The following QRSL1 variants were observed in gnomAD, a reference collection of about 807,000 sequenced individuals.
QRSL1 encodes glutamyl-tRNA(Gln) amidotransferase subunit A, mitochondrial.
In QRSL1, 54 loss-of-function variants were observed where a neutral mutation model predicts 61.6. The ratio of observed to expected loss-of-function variants is 0.88; its 90% CI spans 0.70 to 1.10. The LOEUF (loss-of-function observed/expected upper bound fraction) is 1.10, where lower values mean the gene tolerates loss of function less well. Among genes scored for constraint, QRSL1 ranks in the 50% least tolerant of loss-of-function variants. The pLI is 0.00. For missense variants in QRSL1, 505 were observed against 622.6 expected, an observed-to-expected ratio of 0.81 and a Z score of 2.01; for synonymous variants, 228 against 225.7, an observed-to-expected ratio of 1.01 and a Z score of -0.09.
chr6:106,660,023 T>C (rs1189578513), intron 9 of QRSL1, among the ~76,000 whole-genome samples: 1 of 152,084 alleles, frequency 6.6e-6, no homozygotes, highest in Non-Finnish European at 1.5e-5. Flanking sequence ...GCCACTCCCT[T>C]CTATTCAGCA....
In QRSL1 at chr6:106,654,766, T is replaced by C; in HGVS notation, c.886T>C (p.Ser296Pro). ...LVPELSSEVQ[S>P]LWSKAADLFE... ...ACCGGAATTATCAAGTGAAGTACAG[T>C]CTCTTTGGTCCAAAGCTGCTGACCT... Residue 296 changes from serine (S) to proline (P), a missense_variant, in exon 8 of 11, where the codon TCT (serine) becomes CCT (proline). By Grantham distance (74) the Ser-to-Pro change is moderately conservative. Transcript: ENST00000369046. 6.2e-7 allele frequency: 1 copy of C among 1,612,604 alleles called. No homozygotes were observed. Among genetic ancestry groups the C allele is most frequent in the Non-Finnish European group, 8.5e-7 (1 of 1,179,682 alleles).
intron 9 of QRSL1, among the ~76,000 whole-genome samples, chr6:106,659,588 T>C (rs1777324580): frequency 6.6e-6 from 1 of 152,230 alleles, no homozygotes; most frequent in African/African-American, 2.4e-5. Flanking sequence ...TCATATTTTT[T>C]GCTGCTTTTC....
chr6:106,661,489 T>C (rs1306557948), intron 9 of QRSL1, among the ~76,000 whole-genome samples: 1 of 152,134 alleles, frequency 6.6e-6, no homozygotes, highest in Non-Finnish European at 1.5e-5. Flanking sequence ...GTGTAAATTA[T>C]ATGTGATGCC....
chr6:106,651,452 A>T (rs539866298), intron 5 of QRSL1, among the ~76,000 whole-genome samples: 9 of 152,324 alleles, frequency 5.9e-5, no homozygotes, highest in African/African-American at 2.2e-4. Context: ...CTAGGGATAT[A>T]AATTGGCATA....
intron 9 of QRSL1, among the ~76,000 whole-genome samples, chr6:106,656,136 C>T (rs955216489): frequency 6.6e-6 from 1 of 152,170 alleles, no homozygotes; most frequent in African/African-American, 2.4e-5. Flanking sequence ...TTTAAACGTG[C>T]AGGAGGTGTG....
chr6:106,633,683 A>T (rs1776872938), intron 1 of QRSL1, among the ~76,000 whole-genome samples: 1 of 152,196 alleles, frequency 6.6e-6, no homozygotes, highest in Admixed American at 6.5e-5. Context: ...TGTTTCTAGG[A>T]GTGAGGCACC....
At chr6:106,661,686 C>CTTTTTTTTTT (rs572306794) in intron 9 of QRSL1, among the ~76,000 whole-genome samples, 3 of 55,070 alleles carry the variant, frequency 5.4e-5, no homozygotes, top group African/African-American at 1.3e-4. Context: ...ATGGTTAGTT[C>CTTTTTTTTTT]TTTTTTTTTT....
rs1360076621 is a variant in QRSL1 at position 106,649,190 on chromosome 6, C to T, written c.546C>T (p.Phe182=). 2.5e-6 allele frequency: 4 copies of T among 1,613,892 alleles called. No individual in the cohort carries two copies. The highest frequency in any genetic ancestry group is 3.4e-6 in the Non-Finnish European group (4 of 1,179,978). Residue 182 remains phenylalanine (F), a synonymous_variant, in exon 5 of 11, where the codon TTC becomes TTT. Transcript: ENST00000369046. The part of the protein sequence containing the change: ...SGGSAAAVSA[F]TCYAALGSDT... ...GGAGTGCAGCTGCTGTATCGGCGTTCACATGCTACGCGTAAGATGCTTTTC... is the reference window on the plus strand; with the variant it reads ...GGAGTGCAGCTGCTGTATCGGCGTTTACATGCTACGCGTAAGATGCTTTTC...
intron 10 of QRSL1, among the ~76,000 whole-genome samples, chr6:106,664,547 T>C (rs1185679476): frequency 6.6e-6 from 1 of 152,234 alleles, no homozygotes; most frequent in South Asian, 2.1e-4. Flanking sequence ...TGTAGAACTC[T>C]GGTTCAACAG....
chr6:106,662,908 C>G, intron 9 of QRSL1, 72 bp from the exon 10 acceptor site: 1 of 1,278,070 alleles, frequency 7.8e-7, no homozygotes, highest in Non-Finnish European at 1.1e-6. Flanking sequence ...TTTATCAAGC[C>G]TAATGTAAGA....
intron 4 of QRSL1, among the ~76,000 whole-genome samples, chr6:106,647,601 A>C (rs1284794496): frequency 1.4e-5 from 2 of 146,714 alleles, no homozygotes; most frequent in African/African-American, 5.0e-5. Context: ...TAAATGGAAG[A>C]CCTGACTCTA....
intron 10 of QRSL1, among the ~76,000 whole-genome samples, 158 bp from the exon 11 acceptor site, chr6:106,665,624 T>G (rs1777418946): frequency 6.6e-6 from 1 of 152,336 alleles, no homozygotes; most frequent in East Asian, 1.9e-4. Context: ...TATTGTTAAG[T>G]AAACAAAACA....
chr6:106,660,334 C>CCT (rs1554202144), intron 9 of QRSL1, among the ~76,000 whole-genome samples: 5 of 150,820 alleles, frequency 3.3e-5, no homozygotes, highest in African/African-American at 2.4e-5. Flanking sequence ...CTCCCCACCC[C>CCT]CCCCGTGAAG....
chr6:106,638,405 A>G (rs763759992), intron 1 of QRSL1, among the ~76,000 whole-genome samples: 1 of 152,046 alleles, frequency 6.6e-6, no homozygotes, highest in Admixed American at 6.6e-5. Context: ...CCCGGGTTCA[A>G]GCGATTCTTC....
chr6:106,635,825 C>G (rs543711932), intron 1 of QRSL1, among the ~76,000 whole-genome samples: 1 of 151,306 alleles, frequency 6.6e-6, no homozygotes, highest in Non-Finnish European at 1.5e-5. Flanking sequence ...GAGCCGAGAT[C>G]GCACCACTGC....
intron 4 of QRSL1, among the ~76,000 whole-genome samples, chr6:106,645,349 T>C (rs976316682): frequency 2.6e-5 from 4 of 152,232 alleles, no homozygotes; most frequent in African/African-American, 9.6e-5. Flanking sequence ...CATTTTGTTT[T>C]ACTCTGGAAT....
At chr6:106,663,729 A>G (rs952211378) in intron 10 of QRSL1, among the ~76,000 whole-genome samples, 1 of 152,158 alleles carries the variant, frequency 6.6e-6, no homozygotes, top group Non-Finnish European at 1.5e-5. Context: ...TTGTGTGGGG[A>G]GACAGATCCA....
Position 106,663,204 on chromosome 6 carries a change from C to A in QRSL1, c.1366+19C>A. ...ATGGCAGGTGAGGATTCCTCAGGAA[C>A]ATTCTGATTTTCTTCAAATTCTTAG... On this transcript the variant is annotated intron_variant, in intron 10 of 10. Transcript: ENST00000369046. 2 of 1,607,900 alleles carry A rather than the reference C, an allele frequency of 1.2e-6. No individual in the cohort carries two copies. Among genetic ancestry groups the A allele is most frequent in the Non-Finnish European group, 1.7e-6 (2 of 1,174,572 alleles).
At chr6:106,663,312 G>C (rs1447029262) in intron 10 of QRSL1, 127 bp downstream of exon 10, 2 of 756,764 alleles carry the variant, frequency 2.6e-6, no homozygotes, top group Non-Finnish European at 4.4e-6. Flanking sequence ...ATGCTTAGGA[G>C]TGAGTGTGTG....
Sources: gnomAD v4.1 joint callset for allele counts (sites outside exome capture counted in the v4.1 genomes callset) on GRCh38, gnomAD v4.1.1 for gene constraint, MANE v1.5 for transcripts, NCBI Gene and HGNC (gene_info 2026-07-23, HGNC 2026-07-21) for gene names.